KCNIP4: variants seen among roughly 807,000 people sequenced by gnomAD.
KCNIP4 encodes the protein potassium voltage-gated channel interacting protein 4.
A neutral mutation model predicts 34.0 loss-of-function variants in KCNIP4; 12 were observed. That is an observed-to-expected ratio of 0.35 (90% CI 0.23 to 0.57). KCNIP4 has a LOEUF of 0.57. Ranked by LOEUF, KCNIP4 falls within the 20% of genes least tolerant of loss-of-function variation. KCNIP4 has a pLI of 0.83. For missense variants in KCNIP4, 238 were observed against 311.7 expected, an observed-to-expected ratio of 0.76 and a Z score of 1.78; for synonymous variants, 124 against 102.2, an observed-to-expected ratio of 1.21 and a Z score of -1.29.
At chr4:20,878,814 T>C (rs1177580533) in intron 2 of KCNIP4, among the ~76,000 whole-genome samples, 1 of 152,130 alleles carries the variant, frequency 6.6e-6, no homozygotes, top group African/African-American at 2.4e-5. Context: ...CCTCTTTGCC[T>C]CTTTCAATAG....
chr4:21,159,382 T>TTAGGTATTCAAATGAAA (rs1577808067), intron 1 of KCNIP4, among the ~76,000 whole-genome samples: 4 of 82,362 alleles, frequency 4.9e-5, no homozygotes, highest in African/African-American at 1.3e-4. Flanking sequence ...ATACTAAAGA[T>TTAGGTATTCAAATGAAA]ATGTTTGAGG....
chr4:21,282,704 T>A (rs1762856609), intron 1 of KCNIP4, among the ~76,000 whole-genome samples: 1 of 152,198 alleles, frequency 6.6e-6, no homozygotes, highest in African/African-American at 2.4e-5. Flanking sequence ...CAATGTGTGC[T>A]GGCAAATTGT....
At chr4:20,949,719 G>T (rs187083726) in intron 1 of KCNIP4, among the ~76,000 whole-genome samples, 6 of 152,144 alleles carry the variant, frequency 3.9e-5, no homozygotes, top group African/African-American at 1.4e-4. Flanking sequence ...GGACATAGAT[G>T]AAATTGGAAA....
At chr4:21,469,154 T>G (rs1396982851) in intron 1 of KCNIP4, among the ~76,000 whole-genome samples, 1 of 152,100 alleles carries the variant, frequency 6.6e-6, no homozygotes, top group African/African-American at 2.4e-5. Context: ...AGCCTTAACC[T>G]CCTAGGCTCA....
At chr4:21,694,941 T>A (rs57996382) in intron 1 of KCNIP4, among the ~76,000 whole-genome samples, 14,815 of 55,032 alleles carry the variant, frequency 0.27, 2,826 homozygotes, top group African/African-American at 0.5. Context: ...TAAAAATAAA[T>A]AAATAAATAA....
At chr4:20,901,430 A>G (rs1243501895) in intron 1 of KCNIP4, among the ~76,000 whole-genome samples, 1 of 152,158 alleles carries the variant, frequency 6.6e-6, no homozygotes, top group Non-Finnish European at 1.5e-5. Context: ...CAGAATTTGC[A>G]TTTAATAAGA....
At chr4:21,708,059 T>A (rs77212322) in intron 1 of KCNIP4, among the ~76,000 whole-genome samples, 2,644 of 152,132 alleles carry the variant, frequency 0.017, 76 homozygotes, top group African/African-American at 0.052. Flanking sequence ...AATAAGGAAC[T>A]GGGGTTCTAA....
intron 1 of KCNIP4, among the ~76,000 whole-genome samples, chr4:21,308,930 T>C (rs954903357): frequency 6.7e-6 from 1 of 149,944 alleles, no homozygotes; most frequent in African/African-American, 2.5e-5. Context: ...TACTGCTGCA[T>C]GAAGGTTATC....
chr4:21,093,610 A>T (rs141728498), intron 1 of KCNIP4, among the ~76,000 whole-genome samples: 3 of 152,226 alleles, frequency 2.0e-5, no homozygotes, highest in African/African-American at 4.8e-5. Context: ...ACACATGTTT[A>T]TAAATCTAAT....
chr4:21,115,944 C>T (rs1336824920), intron 1 of KCNIP4, among the ~76,000 whole-genome samples: 1 of 152,174 alleles, frequency 6.6e-6, no homozygotes, highest in Non-Finnish European at 1.5e-5. Flanking sequence ...GAGGACCAAT[C>T]CATTTGCTAA....
At chr4:21,910,976 C>G (rs1728274007) in intron 1 of KCNIP4, among the ~76,000 whole-genome samples, 1 of 152,102 alleles carries the variant, frequency 6.6e-6, no homozygotes, top group Non-Finnish European at 1.5e-5. Flanking sequence ...TTTAAAATAG[C>G]TATTCCAAAT....
chr4:21,305,105 A>G (rs1396603020), intron 1 of KCNIP4, among the ~76,000 whole-genome samples: 1 of 152,150 alleles, frequency 6.6e-6, no homozygotes, highest in Non-Finnish European at 1.5e-5. Flanking sequence ...AAAAACTACA[A>G]GAGAGAGACA....
chr4:21,479,583 T>G (rs1270612561), intron 1 of KCNIP4, among the ~76,000 whole-genome samples: 1 of 152,016 alleles, frequency 6.6e-6, no homozygotes, highest in African/African-American at 2.4e-5. Context: ...CTTTACAACA[T>G]GCACATACAC....
intron 3 of KCNIP4, among the ~76,000 whole-genome samples, chr4:20,831,014 T>G (rs945596608): frequency 6.6e-6 from 1 of 152,194 alleles, no homozygotes; most frequent in African/African-American, 2.4e-5. Context: ...ACTTTTAGTA[T>G]TTGCCTCTGT....
At chr4:20,878,103 A>G (rs1724263652) in intron 2 of KCNIP4, among the ~76,000 whole-genome samples, 1 of 152,142 alleles carries the variant, frequency 6.6e-6, no homozygotes, top group African/African-American at 2.4e-5. Context: ...ACAGCAGGCT[A>G]TGGAGTCAGA....
chr4:21,010,487 G>A (rs560462142), intron 1 of KCNIP4, among the ~76,000 whole-genome samples: 1 of 152,044 alleles, frequency 6.6e-6, no homozygotes, highest in South Asian at 2.1e-4. Flanking sequence ...GTGTTCTTTC[G>A]AACGTCCGCT....
chr4:21,643,379 T>C (rs991048913), intron 1 of KCNIP4, among the ~76,000 whole-genome samples: 5 of 152,268 alleles, frequency 3.3e-5, no homozygotes, highest in Admixed American at 2.6e-4. Flanking sequence ...GTACACAGGA[T>C]AGTAGTATTA....
At chr4:21,707,483 T>C (rs78762594) in intron 1 of KCNIP4, among the ~76,000 whole-genome samples, 2,662 of 152,218 alleles carry the variant, frequency 0.017, 78 homozygotes, top group African/African-American at 0.053. Flanking sequence ...TAAGGAAAAG[T>C]GTTTATGACA....
chr4:21,244,946 C>T (rs558276565), intron 1 of KCNIP4, among the ~76,000 whole-genome samples: 6 of 152,118 alleles, frequency 3.9e-5, no homozygotes, highest in Admixed American at 2.6e-4. Flanking sequence ...AAAGTCAACA[C>T]TGATTGATAA....
Sources: allele counts gnomAD v4.1 joint callset (sites outside exome capture counted in the v4.1 genomes callset), GRCh38; gene constraint gnomAD v4.1.1; transcripts MANE v1.5; gene names NCBI Gene and HGNC (gene_info 2026-07-23, HGNC 2026-07-21).